Variants in CCDC191 observed in about 807,000 individuals in gnomAD.
The protein encoded by CCDC191 is coiled-coil domain-containing protein 191.
A neutral mutation model predicts 114.0 loss-of-function variants in CCDC191; 99 were observed. The ratio of observed to expected loss-of-function variants is 0.87; its 90% CI spans 0.74 to 1.03. The LOEUF (loss-of-function observed/expected upper bound fraction) is 1.03, where lower values mean the gene tolerates loss of function less well. CCDC191 is among the 50% of genes least tolerant of loss of function. The pLI is 0.00. For synonymous variants in CCDC191, 351 were observed against 376.0 expected (o/e 0.93, Z 0.77); for missense variants, 973 against 1,087.0 (o/e 0.90, Z 1.47).
At chr3:114,003,962 T>C in intron 11 of CCDC191, 1 of 985,414 alleles carries the variant, frequency 1.0e-6, no homozygotes, top group Non-Finnish European at 1.2e-6. Flanking sequence ...TCTATTCGTA[T>C]AGTTTAGTTT....
chr3:113,987,898 C>T (rs990572074), intron 13 of CCDC191, among the ~76,000 whole-genome samples: 9 of 150,650 alleles, frequency 6.0e-5, no homozygotes, highest in African/African-American at 1.7e-4. Context: ...AAAAATTAGC[C>T]GGGCGTGTTG....
At chr3:114,045,323 C>T (rs1242298661) in intron 3 of CCDC191, among the ~76,000 whole-genome samples, 1 of 152,000 alleles carries the variant, frequency 6.6e-6, no homozygotes, top group Non-Finnish European at 1.5e-5. Context: ...ACTGGTTGCC[C>T]TTTTCTCTCT....
intron 2 of CCDC191, among the ~76,000 whole-genome samples, chr3:114,048,378 A>G (rs2076658284): frequency 1.3e-5 from 2 of 152,150 alleles, no homozygotes; most frequent in South Asian, 2.1e-4. Context: ...CCTGATCTCA[A>G]TCAGAATTAA....
intron 2 of CCDC191, among the ~76,000 whole-genome samples, chr3:114,048,131 A>C (rs921058039): frequency 4.0e-4 from 61 of 152,060 alleles, no homozygotes; most frequent in Admixed American, 2.9e-3. Context: ...AATCCAATCT[A>C]TCTCTCTCTT....
At position 114,011,495 on chromosome 3, in the gene CCDC191, G is replaced by T. The variant is rs116732533; in HGVS notation, c.1164-474C>A. On this transcript the variant is annotated intron_variant, in intron 8 of 16. Coordinates refer to ENST00000295878, the MANE Select transcript of CCDC191 (RefSeq NM_020817.2). ...AAATTGTCAATAATTTAAGTAAAAG[G>T]CTTACAAAAATCAAAGTAACACTGA... Among the ~76,000 whole-genome samples, 621 of 152,218 alleles carry T rather than the reference G, an allele frequency of 4.1e-3. 4 individuals are homozygous for T. The highest frequency in any genetic ancestry group is 0.014 in the African/African-American group (587 of 41,542).
intron 3 of CCDC191, among the ~76,000 whole-genome samples, chr3:114,044,658 A>T (rs1559932794): frequency 6.6e-6 from 1 of 152,356 alleles, no homozygotes; most frequent in South Asian, 2.1e-4. Flanking sequence ...GGGAGAAGAT[A>T]TTTACTGAGT....
intron 1 of CCDC191, among the ~76,000 whole-genome samples, chr3:114,055,509 T>C: frequency 6.6e-6 from 1 of 152,192 alleles, no homozygotes; most frequent in Non-Finnish European, 1.5e-5. Context: ...TTAGAATAAA[T>C]CGCAAGAACA....
At chr3:114,032,185 A>G (rs1010875196) in intron 6 of CCDC191, among the ~76,000 whole-genome samples, 2 of 152,210 alleles carry the variant, frequency 1.3e-5, no homozygotes, top group African/African-American at 2.4e-5. Flanking sequence ...AAGGCCTCTT[A>G]TAAGGTTACT....
chr3:114,035,612 CTATTAT>C (rs1258354439), intron 5 of CCDC191, among the ~76,000 whole-genome samples: 1 of 152,188 alleles, frequency 6.6e-6, no homozygotes. Context: ...TTATTCATTT[CTATTAT>C]TATTATGTAA....
chr3:114,009,448 A>T (rs1029853897), intron 9 of CCDC191, among the ~76,000 whole-genome samples: 17 of 152,064 alleles, frequency 1.1e-4, no homozygotes, highest in African/African-American at 3.6e-4. Flanking sequence ...GTTGTTTTTT[A>T]AAAAAATTTT....
intron 16 of CCDC191, among the ~76,000 whole-genome samples, chr3:113,970,084 C>T (rs1376435237): frequency 6.6e-6 from 1 of 151,926 alleles, no homozygotes; most frequent in East Asian, 1.9e-4. Flanking sequence ...AAAGTGGTTC[C>T]CAGGTATTTT....
chr3:114,034,788 G>A, intron 6 of CCDC191, 137 bp downstream of exon 6: 1 of 734,114 alleles, frequency 1.4e-6, no homozygotes, highest in Non-Finnish European at 2.3e-6. Context: ...TAGTTAATTT[G>A]TTAAGATGGT....
intron 13 of CCDC191, among the ~76,000 whole-genome samples, chr3:113,990,931 CAAAAAAAAA>C (rs35483860): frequency 4.2e-5 from 2 of 47,634 alleles, no homozygotes; most frequent in African/African-American, 9.1e-5. Flanking sequence ...TAAAGCACCT[CAAAAAAAAA>C]AAAAAAAAAA....
At chr3:114,048,098 A>G (rs2076654362) in intron 2 of CCDC191, among the ~76,000 whole-genome samples, 1 of 152,220 alleles carries the variant, frequency 6.6e-6, no homozygotes, top group African/African-American at 2.4e-5. Context: ...TACATTCCTC[A>G]GGATGAAAAC....
intron 6 of CCDC191, among the ~76,000 whole-genome samples, chr3:114,034,353 T>A (rs1487710820): frequency 6.6e-6 from 1 of 151,796 alleles, no homozygotes; most frequent in Non-Finnish European, 1.5e-5. Context: ...CTGAGAAGAG[T>A]ATGATAAACT....
rs540435067 is a variant in CCDC191 at position 114,034,567 on chromosome 3, A to G, written c.818+358T>C. 2.0e-5 allele frequency among the ~76,000 whole-genome samples: 3 copies of G among 152,346 alleles called. 1 individual carries two copies. In the South Asian group the frequency reaches 6.2e-4, roughly 32 times the overall value. On this transcript the variant is annotated intron_variant, in intron 6 of 16. Coordinates refer to ENST00000295878, the MANE Select transcript of CCDC191 (RefSeq NM_020817.2). The stretch of plus-strand genomic sequence containing the variant: ...GCTCATTGCAATCTTATAATGGTGA[A>G]AAATCCAAAATAGCTGAAACATTTA...
chr3:113,985,232 G>C (rs1369814134), intron 13 of CCDC191, among the ~76,000 whole-genome samples: 1 of 152,086 alleles, frequency 6.6e-6, no homozygotes, highest in Non-Finnish European at 1.5e-5. Context: ...GCTGGGGAGA[G>C]GCACAGCAGC....
intron 11 of CCDC191, chr3:114,003,775 C>T: frequency 1.0e-6 from 1 of 985,418 alleles, no homozygotes; most frequent in Non-Finnish European, 1.2e-6. Context: ...CAGTGTCTTT[C>T]ATTTGTAATT....
In CCDC191 at chr3:114,004,705, G is replaced by T; in HGVS notation, c.1910C>A (p.Ser637Tyr). The change falls in exon 11 of 17, where the codon TCC (serine) becomes TAC (tyrosine). Residue 637 changes from serine (S) to tyrosine (Y), a missense_variant. Transcript: ENST00000295878. ...TCTGAGTCCAGAAAGAGAATTTCGG[G>T]AGTCACTTCTGCCTTCAGTCCCAGG... The part of the protein sequence containing the change: ...ASPGTEGRSD[S>Y]RNSLSGLRRK... 1.2e-6 allele frequency: 2 copies of T among 1,612,624 alleles called. No individual in the cohort carries two copies. The highest frequency in any genetic ancestry group is 1.7e-6 in the Non-Finnish European group (2 of 1,179,320).
Sources: allele counts gnomAD v4.1 joint callset (sites outside exome capture counted in the v4.1 genomes callset), GRCh38; gene constraint gnomAD v4.1.1; transcripts MANE v1.5; gene names NCBI Gene and HGNC (gene_info 2026-07-23, HGNC 2026-07-21).